GREB1: variants seen among roughly 807,000 people sequenced by gnomAD.
The protein encoded by GREB1 is growth regulating estrogen receptor binding 1, also known as protein GREB1.
GREB1 carries 106 observed loss-of-function variants against 200.7 expected under a neutral mutation model. That is an observed-to-expected ratio of 0.53 (90% confidence interval 0.45 to 0.62). The LOEUF (loss-of-function observed/expected upper bound fraction) is 0.62, where lower values mean the gene tolerates loss of function less well. Among genes scored for constraint, GREB1 ranks in the 20% least tolerant of loss-of-function variants. The pLI, the probability that GREB1 is intolerant of heterozygous loss-of-function variation, is 0.00. For synonymous variants in GREB1, 1,132 were observed against 1,092.4 expected (o/e 1.04, Z -0.72); for missense variants, 2,243 against 2,556.8 (o/e 0.88, Z 2.65).
Position 11,588,847 on chromosome 2 carries a change from T to C in GREB1, c.1261T>C (p.Tyr421His). 6.2e-7 allele frequency: 1 copy of C among 1,614,072 alleles called. No homozygotes were observed. Among genetic ancestry groups the C allele is most frequent in the Non-Finnish European group, 8.5e-7 (1 of 1,179,960 alleles). Reference sequence around the variant, plus strand: ...GAATTCCCAGTCTGTCTCACGGGCATACGAGCAGTACGGCGCCTCTGCCAT... The same window carrying C: ...GAATTCCCAGTCTGTCTCACGGGCACACGAGCAGTACGGCGCCTCTGCCAT... ...YQNSQSVSRA[Y>H]EQYGASAIQP... is the part of the protein sequence containing the mutation. The change falls in exon 10 of 33, where the codon TAC (tyrosine) becomes CAC (histidine). Residue 421 changes from tyrosine (Y) to histidine (H), a missense_variant. Tyr to His is a moderately conservative substitution (Grantham distance 83). Around this residue, in one of 3 missense-constraint regions of GREB1, gnomAD observed 1,178 missense variants for 1,387.4 expected, o/e 0.85. Coordinates refer to ENST00000381486, the MANE Select transcript of GREB1 (RefSeq NM_014668.4).
At chr2:11,484,601 AAAAAAAAGAAAGAAAG>A (rs1558476928) in intron 1 of GREB1, among the ~76,000 whole-genome samples, 11 of 151,314 alleles carry the variant, frequency 7.3e-5, no homozygotes, top group African/African-American at 2.2e-4. Flanking sequence ...ACAAAAAAAA[AAAAAAAAGAAAGAAAG>A]AAAAAGAAAG....
chr2:11,590,233 A>T (rs1488034651), intron 10 of GREB1, among the ~76,000 whole-genome samples: 1 of 151,982 alleles, frequency 6.6e-6, no homozygotes, highest in Admixed American at 6.6e-5. Context: ...TCCTGAATCC[A>T]GCCTCGCTCA....
At chr2:11,537,329 G>A (rs2148504307) in intron 1 of GREB1, among the ~76,000 whole-genome samples, 1 of 152,212 alleles carries the variant, frequency 6.6e-6, no homozygotes, top group Middle Eastern at 3.4e-3. Flanking sequence ...CTTCATATTG[G>A]TAAGAATTGT....
chr2:11,582,371 C>T (rs754281203), intron 7 of GREB1, among the ~76,000 whole-genome samples: 3 of 152,200 alleles, frequency 2.0e-5, no homozygotes, highest in Admixed American at 6.5e-5. Flanking sequence ...GCCCACCTGC[C>T]GAACCTCATT....
At chr2:11,615,037 A>T (rs1398532984) in intron 19 of GREB1, 54 bp from the exon 20 acceptor site, 5 of 1,346,086 alleles carry the variant, frequency 3.7e-6, no homozygotes, top group Non-Finnish European at 5.3e-6. Flanking sequence ...CAGTGGGAAC[A>T]GCACTCCACT....
chr2:11,599,858 G>A (rs1214066087), intron 15 of GREB1, among the ~76,000 whole-genome samples: 1 of 152,218 alleles, frequency 6.6e-6, no homozygotes, highest in Non-Finnish European at 1.5e-5. Flanking sequence ...GACTCACTCA[G>A]TTAAAATGAA....
chr2:11,595,665 T>C (rs1681145185), intron 12 of GREB1, among the ~76,000 whole-genome samples: 1 of 152,146 alleles, frequency 6.6e-6, no homozygotes, highest in Non-Finnish European at 1.5e-5. Flanking sequence ...CTTGTGCCTG[T>C]TCCTCTCCAC....
At chr2:11,570,861 A>G (rs967990280) in intron 4 of GREB1, among the ~76,000 whole-genome samples, 1 of 152,136 alleles carries the variant, frequency 6.6e-6, no homozygotes. Flanking sequence ...AAACCTCCCA[A>G]CATCATACTA....
At chr2:11,532,605 C>T (rs1674115698), upstream of GREB1, among the ~76,000 whole-genome samples, 1 of 152,160 alleles carries the variant, frequency 6.6e-6, no homozygotes. Flanking sequence ...CATACCTAAA[C>T]AAGTTTGCTG....
At chr2:11,488,742 G>A (rs908847962) in intron 1 of GREB1, among the ~76,000 whole-genome samples, 6 of 147,360 alleles carry the variant, frequency 4.1e-5, no homozygotes, top group African/African-American at 7.6e-5. Flanking sequence ...AGTGAGCCGA[G>A]CCTGTGCCAT....
intron 1 of GREB1, among the ~76,000 whole-genome samples, chr2:11,524,883 G>GTT: frequency 6.6e-6 from 1 of 152,336 alleles, no homozygotes; most frequent in Non-Finnish European, 1.5e-5. Flanking sequence ...CCTGGCCAAT[G>GTT]TTTTGTAAGC....
intron 1 of GREB1, among the ~76,000 whole-genome samples, chr2:11,510,329 C>T (rs1467229842): frequency 2.0e-5 from 3 of 152,168 alleles, no homozygotes; most frequent in African/African-American, 4.8e-5. Flanking sequence ...TTAGTAGTTT[C>T]AATAACTATC....
At chr2:11,601,628 A>G (rs1430936915) in intron 16 of GREB1, among the ~76,000 whole-genome samples, 1 of 152,234 alleles carries the variant, frequency 6.6e-6, no homozygotes, top group Non-Finnish European at 1.5e-5. Context: ...AGAAACTTTA[A>G]AAAATACCTG....
chr2:11,527,751 G>A (rs990145537), intron 1 of GREB1, among the ~76,000 whole-genome samples: 9 of 152,132 alleles, frequency 5.9e-5, no homozygotes, highest in Non-Finnish European at 1.0e-4. Context: ...AGGGTCCTAC[G>A]GGAAGACAGA....
At chr2:11,634,373 A>G (rs747404536) in intron 29 of GREB1, 24 bp downstream of exon 29, 7 of 1,583,162 alleles carry the variant, frequency 4.4e-6, no homozygotes, top group Non-Finnish European at 6.0e-6. Context: ...CCTGGGGCAG[A>G]GGCGGCGGCA....
rs566967633 is a variant in GREB1 at position 11,622,896 on chromosome 2, A to G, written c.4147+1889A>G. On this transcript the variant is annotated intron_variant, in intron 23 of 32. Transcript: ENST00000381486. Reference sequence around the variant, plus strand: ...AGCCATTCTCACAGCAAACAGCACAAGGCTGTTGCTCTGGATGGAGATAGC... The same window carrying G: ...AGCCATTCTCACAGCAAACAGCACAGGGCTGTTGCTCTGGATGGAGATAGC... Among the ~76,000 whole-genome samples the G allele has an allele frequency of 7.2e-5, 11 of 152,354 alleles. No homozygotes were observed. The South Asian group carries it at 2.3e-3, about 32-fold the overall frequency.
At chr2:11,631,029 T>G (rs968771357) in intron 26 of GREB1, among the ~76,000 whole-genome samples, 6 of 152,340 alleles carry the variant, frequency 3.9e-5, no homozygotes, top group African/African-American at 1.4e-4. Context: ...GTTAGGTACC[T>G]CCTACCCCAC....
intron 7 of GREB1, chr2:11,584,813 G>GGAGGCT (rs111526749): frequency 0.053 from 9,239 of 173,194 alleles, 874 homozygotes; most frequent in African/African-American, 0.2. Flanking sequence ...CAGCTACTTG[G>GGAGGCT]GAGGCTGAGG....
At chr2:11,637,117 G>GTGCAGTGAAGGTGCCTTCA in intron 30 of GREB1, among the ~76,000 whole-genome samples, 2 of 152,126 alleles carry the variant, frequency 1.3e-5, no homozygotes, top group Non-Finnish European at 2.9e-5. Context: ...GCCTTCAGTG[G>GTGCAGTGAAGGTGCCTTCA]GTGAAGGTGC....
Sources: allele counts gnomAD v4.1 joint callset (sites outside exome capture counted in the v4.1 genomes callset), GRCh38; gene constraint gnomAD v4.1.1; regional missense constraint gnomAD v4.1.1; transcripts MANE v1.5; gene names NCBI Gene and HGNC (gene_info 2026-07-23, HGNC 2026-07-21).